The following MGMT variants were observed in gnomAD, a reference collection of about 807,000 sequenced individuals.
MGMT encodes methylated-DNA--protein-cysteine methyltransferase.
MGMT carries 14 observed loss-of-function variants against 15.9 expected under a neutral mutation model. The ratio of observed to expected loss-of-function variants is 0.88; its 90% CI spans 0.58 to 1.37. MGMT has a LOEUF of 1.37. MGMT is among the 40% of genes most tolerant of loss of function. The pLI is 0.00. For missense variants in MGMT, 282 were observed against 268.1 expected (o/e 1.05, Z -0.36); for synonymous variants, 130 against 118.2 (o/e 1.10, Z -0.65).
chr10:129,564,012 T>G (rs75091163), intron 2 of MGMT: 4,956 of 152,484 alleles, frequency 0.033, 131 homozygotes, highest in South Asian at 0.065. Flanking sequence ...AGTGGTGGGC[T>G]GGTTTGGGTC....
At chr10:129,583,386 A>G (rs1846579926) in intron 2 of MGMT, among the ~76,000 whole-genome samples, 1 of 152,226 alleles carries the variant, frequency 6.6e-6, no homozygotes, top group South Asian at 2.1e-4. Flanking sequence ...GGAATGAGTG[A>G]GGCTAATTAT....
chr10:129,646,754 A>ATATTTTTTTTTTTTTTTTTTTTT, intron 2 of MGMT, among the ~76,000 whole-genome samples: 57 of 86,600 alleles, frequency 6.6e-4, no homozygotes, highest in Non-Finnish European at 1.3e-3. Context: ...ATATATATAT[A>ATATTTTTTTTTTTTTTTTTTTTT]TTTTCAGGGA....
In MGMT at chr10:129,556,509, G is replaced by T. The variant is rs1237422960; in HGVS notation, c.125+20132G>T. Among the ~76,000 whole-genome samples, 1 of 152,164 alleles carries T rather than the reference G, an allele frequency of 6.6e-6. No individual in the cohort carries two copies. Among genetic ancestry groups the T allele is most frequent in the Non-Finnish European group, 1.5e-5 (1 of 68,022 alleles). ...GGTTCAGACTTGCAGCACCCAGGCT[G>T]CAGGGCTTCGTCAGGGCAGCCCTGG... On this transcript the variant is annotated intron_variant, in intron 2 of 4. Coordinates refer to ENST00000651593, the MANE Select transcript of MGMT (RefSeq NM_002412.5). The surrounding 1 kb of genome is among the most constrained non-coding windows in gnomAD (Gnocchi z 4.3).
chr10:129,529,125 A>G (rs368860639), intron 1 of MGMT, among the ~76,000 whole-genome samples: 221 of 150,362 alleles, frequency 1.5e-3, no homozygotes, highest in African/African-American at 5.2e-3. Flanking sequence ...AGAGCGGTAG[A>G]GCGGAGGCTG....
intron 1 of MGMT, among the ~76,000 whole-genome samples, chr10:129,495,674 G>A (rs1026166970): frequency 3.3e-5 from 5 of 152,184 alleles, no homozygotes; most frequent in South Asian, 2.1e-4. Flanking sequence ...GCAGAGAAAC[G>A]ATTGCATGGA....
At chr10:129,613,167 G>A (rs1846981923) in intron 2 of MGMT, among the ~76,000 whole-genome samples, 1 of 152,210 alleles carries the variant, frequency 6.6e-6, no homozygotes, top group Admixed American at 6.5e-5. Context: ...GAAAATTCAA[G>A]TACAAGTAGA....
intron 2 of MGMT, among the ~76,000 whole-genome samples, chr10:129,616,895 G>A (rs878995190): frequency 3.1e-4 from 47 of 152,098 alleles, no homozygotes; most frequent in Admixed American, 2.9e-3. Flanking sequence ...ATGGTCACTC[G>A]CTTGACGAGC....
chr10:129,588,524 C>G (rs77323148), intron 2 of MGMT, among the ~76,000 whole-genome samples: 2 of 152,126 alleles, frequency 1.3e-5, no homozygotes, highest in African/African-American at 4.8e-5. Flanking sequence ...TTCTGTGTCA[C>G]ATTCTTCCCA....
chr10:129,736,962 AC>A (rs1246586068), intron 3 of MGMT, among the ~76,000 whole-genome samples: 1 of 152,202 alleles, frequency 6.6e-6, no homozygotes, highest in Non-Finnish European at 1.5e-5. Context: ...TTTGAGGGTA[AC>A]CCGACCTTTC....
At chr10:129,495,465 T>C (rs1194762985) in intron 1 of MGMT, among the ~76,000 whole-genome samples, 4 of 152,208 alleles carry the variant, frequency 2.6e-5, no homozygotes, top group Non-Finnish European at 4.4e-5. Context: ...CAGAAGCTTT[T>C]ATAGGCCAAG....
intron 1 of MGMT, 35 bp from the exon 2 acceptor site, chr10:129,536,206 C>T (rs1236808930): frequency 6.2e-7 from 1 of 1,611,984 alleles, no homozygotes; most frequent in Non-Finnish European, 8.5e-7. Flanking sequence ...AGCCTCTTAC[C>T]TATACACTTT....
Position 129,659,234 on chromosome 10 carries a change from G to T in MGMT, c.126-48661G>T, listed in dbSNP as rs111402453. On this transcript the variant is annotated intron_variant, in intron 2 of 4. Coordinates refer to ENST00000651593, the MANE Select transcript of MGMT (RefSeq NM_002412.5). This position sits in a 1 kb window ranked among gnomAD's most constrained non-coding sequence, Gnocchi z 4.1. ...TACCTGGGCATGGTGGTGCACACCC[G>T]TAGTCTCAGCTACTCGGGAGGCTGA... is the stretch of plus-strand genomic sequence containing the variant. 3.9e-5 allele frequency among the ~76,000 whole-genome samples: 6 copies of T among 152,056 alleles called. No homozygotes were observed. The highest frequency in any genetic ancestry group is 1.4e-4 in the African/African-American group (6 of 41,390).
intron 4 of MGMT, among the ~76,000 whole-genome samples, chr10:129,763,834 G>C (rs1158727926): frequency 1.3e-5 from 2 of 152,196 alleles, no homozygotes; most frequent in East Asian, 3.9e-4. Flanking sequence ...GGAAGACTGG[G>C]ATTCTCAGCT....
chr10:129,468,700 C>A (rs938394083), intron 1 of MGMT, among the ~76,000 whole-genome samples: 1 of 152,044 alleles, frequency 6.6e-6, no homozygotes, highest in African/African-American at 2.4e-5. Context: ...GCCTGGCCAA[C>A]ATGGTGAAAC....
chr10:129,590,251 G>A (rs1024832884), intron 2 of MGMT, among the ~76,000 whole-genome samples: 3 of 152,144 alleles, frequency 2.0e-5, no homozygotes, highest in East Asian at 1.9e-4. Flanking sequence ...TATAAAATAC[G>A]TTTAATATAA....
chr10:129,635,269 A>T (rs1847252396), intron 2 of MGMT, among the ~76,000 whole-genome samples: 1 of 152,286 alleles, frequency 6.6e-6, no homozygotes, highest in Admixed American at 6.5e-5. Context: ...TGCAGATCTC[A>T]GGATTCCTCT....
chr10:129,635,905 G>A (rs1441624221), intron 2 of MGMT, among the ~76,000 whole-genome samples: 2 of 152,166 alleles, frequency 1.3e-5, no homozygotes, highest in Non-Finnish European at 2.9e-5. Context: ...AGGAGCTCCT[G>A]CTGTAATCAC....
intron 4 of MGMT, among the ~76,000 whole-genome samples, chr10:129,762,304 T>C (rs1271366207): frequency 6.6e-6 from 1 of 152,254 alleles, no homozygotes; most frequent in Non-Finnish European, 1.5e-5. Flanking sequence ...GTAAAGCTCA[T>C]TGTGCATTAA....
chr10:129,476,788 G>T (rs1358377809), intron 1 of MGMT, among the ~76,000 whole-genome samples: 2 of 152,152 alleles, frequency 1.3e-5, no homozygotes, highest in African/African-American at 4.8e-5. Flanking sequence ...AGGGTGTCCT[G>T]CACGCCCACA....
Sources: allele counts gnomAD v4.1 joint callset (sites outside exome capture counted in the v4.1 genomes callset), GRCh38; gene constraint gnomAD v4.1.1; non-coding constraint Gnocchi (gnomAD v3.1); transcripts MANE v1.5; gene names NCBI Gene and HGNC (gene_info 2026-07-23, HGNC 2026-07-21).